Variants in TENM2 observed in about 807,000 individuals in gnomAD.
The protein encoded by TENM2 is teneurin-2.
Under a neutral mutation model 245.2 loss-of-function variants are expected in TENM2, and 52 were observed. The ratio of observed to expected loss-of-function variants is 0.21; its 90% CI spans 0.17 to 0.27. The LOEUF (loss-of-function observed/expected upper bound fraction) is 0.27, where lower values mean the gene tolerates loss of function less well. Among genes scored for constraint, TENM2 ranks in the 10% least tolerant of loss-of-function variants. TENM2 has a pLI of 1.00. For synonymous variants in TENM2, 1,363 were observed against 1,438.9 expected, an observed-to-expected ratio of 0.95 and a Z score of 1.19; for missense variants, 3,046 against 3,666.8, an observed-to-expected ratio of 0.83 and a Z score of 4.37.
chr5:167,351,514 G>A (rs1465142816), intron 1 of TENM2, among the ~76,000 whole-genome samples: 1 of 152,200 alleles, frequency 6.6e-6, no homozygotes, highest in Non-Finnish European at 1.5e-5. Flanking sequence ...ACAGGGCATA[G>A]CCACTTTGCA....
chr5:167,246,612 T>C, the TENM2 span, among the ~76,000 whole-genome samples: 1 of 152,176 alleles, frequency 6.6e-6, no homozygotes, highest in African/African-American at 2.4e-5. Flanking sequence ...ACTTGATGCC[T>C]AACCGTATCC....
chr5:167,566,317 A>G (rs1472660336), intron 2 of TENM2, among the ~76,000 whole-genome samples: 4 of 152,150 alleles, frequency 2.6e-5, no homozygotes, highest in Non-Finnish European at 4.4e-5. Flanking sequence ...GAGATGCACT[A>G]GAGTGTACAC....
At chr5:167,600,892 G>T (rs1425542139) in intron 2 of TENM2, among the ~76,000 whole-genome samples, 4 of 152,102 alleles carry the variant, frequency 2.6e-5, no homozygotes, top group African/African-American at 7.2e-5. Flanking sequence ...TAACTAAACG[G>T]CATTTTGTCT....
chr5:168,243,937 G>GA (rs1338341747), intron 25 of TENM2, among the ~76,000 whole-genome samples: 2 of 125,526 alleles, frequency 1.6e-5, no homozygotes, highest in Non-Finnish European at 3.4e-5. Flanking sequence ...CTTTTCTTTG[G>GA]TTTTTTTTTT....
intron 2 of TENM2, among the ~76,000 whole-genome samples, chr5:167,555,622 G>A (rs1445405849): frequency 6.6e-6 from 1 of 152,102 alleles, no homozygotes; most frequent in Non-Finnish European, 1.5e-5. Flanking sequence ...GTAGGAACGA[G>A]GGGAAAAGAA....
At chr5:167,940,411 T>C (rs1352371958) in intron 3 of TENM2, among the ~76,000 whole-genome samples, 1 of 152,176 alleles carries the variant, frequency 6.6e-6, no homozygotes, top group Non-Finnish European at 1.5e-5. Flanking sequence ...AAATGAGTTT[T>C]TTAAAAAATG....
intron 2 of TENM2, among the ~76,000 whole-genome samples, chr5:167,401,393 T>G (rs1033973196): frequency 6.6e-6 from 1 of 152,116 alleles, no homozygotes; most frequent in South Asian, 2.1e-4. Context: ...ATTCCTCAAA[T>G]TATAATTCTA....
At chr5:167,634,070 G>A (rs953160044) in intron 2 of TENM2, among the ~76,000 whole-genome samples, 4 of 152,098 alleles carry the variant, frequency 2.6e-5, no homozygotes, top group African/African-American at 4.8e-5. Context: ...ACAAATTTGC[G>A]GCTAAGATGT....
intron 2 of TENM2, among the ~76,000 whole-genome samples, chr5:167,860,150 C>T (rs1771611889): frequency 2.8e-5 from 3 of 105,612 alleles, no homozygotes; most frequent in African/African-American, 1.1e-4. Context: ...AGTGAGGAGC[C>T]CCTCTGCCCG....
chr5:167,772,273 T>A (rs981214750), intron 2 of TENM2, among the ~76,000 whole-genome samples: 1 of 152,168 alleles, frequency 6.6e-6, no homozygotes, highest in African/African-American at 2.4e-5. Context: ...ATATCAAAAA[T>A]ATTATAATAA....
chr5:167,531,788 G>C (rs1019409826), intron 2 of TENM2, among the ~76,000 whole-genome samples: 4 of 152,018 alleles, frequency 2.6e-5, no homozygotes, highest in African/African-American at 9.7e-5. Context: ...AAGCTGTTGG[G>C]GTTTTGTAGC....
chr5:167,296,458 T>A (rs2127727938), intron 1 of TENM2: 1 of 152,148 alleles, frequency 6.6e-6, no homozygotes, highest in African/African-American at 2.4e-5. Flanking sequence ...ATTTAGAGAG[T>A]AGTTCCAGCG....
At chr5:167,587,964 A>G (rs1582466730) in intron 2 of TENM2, among the ~76,000 whole-genome samples, 1 of 152,022 alleles carries the variant, frequency 6.6e-6, no homozygotes, top group Non-Finnish European at 1.5e-5. Context: ...GAGCTCCAGC[A>G]CCTCCCTCTG....
At chr5:167,840,656 G>A (rs1208984599) in intron 2 of TENM2, among the ~76,000 whole-genome samples, 1 of 152,030 alleles carries the variant, frequency 6.6e-6, no homozygotes, top group African/African-American at 2.4e-5. Context: ...CATTTTGAAG[G>A]AGACAGGGAG....
chr5:167,715,277 G>A (rs1172612621), intron 2 of TENM2, among the ~76,000 whole-genome samples: 1 of 152,180 alleles, frequency 6.6e-6, no homozygotes, highest in African/African-American at 2.4e-5. Context: ...AAAGAGTACA[G>A]TTAGTTACAA....
intron 2 of TENM2, among the ~76,000 whole-genome samples, chr5:167,628,955 C>G (rs532823573): frequency 6.6e-6 from 1 of 152,268 alleles, no homozygotes; most frequent in Non-Finnish European, 1.5e-5. Flanking sequence ...CCTTTGGCCA[C>G]AGTCAAATCT....
chr5:167,871,970 C>G (rs1189445531), intron 2 of TENM2, among the ~76,000 whole-genome samples: 1 of 151,922 alleles, frequency 6.6e-6, no homozygotes. Flanking sequence ...CATAAGTGAA[C>G]AAAATTAGCA....
intron 2 of TENM2, among the ~76,000 whole-genome samples, chr5:167,673,266 AT>A (rs1756083314): frequency 6.6e-6 from 1 of 151,994 alleles, no homozygotes; most frequent in Admixed American, 6.6e-5. Flanking sequence ...TATTGTTTCA[AT>A]TTTTGCAATG....
intron 2 of TENM2, among the ~76,000 whole-genome samples, chr5:167,782,313 CAAAAAAAAAAAAAA>C (rs767675565): frequency 3.4e-5 from 2 of 58,772 alleles, no homozygotes; most frequent in South Asian, 6.5e-4. Context: ...AACTCTGTCT[CAAAAAAAAAAAAAA>C]AAAAAAAAAA....
Sources: gnomAD v4.1 joint callset for allele counts (sites outside exome capture counted in the v4.1 genomes callset) on GRCh38, gnomAD v4.1.1 for gene constraint, MANE v1.5 for transcripts, NCBI Gene and HGNC (gene_info 2026-07-23, HGNC 2026-07-21) for gene names.